Variants in C1S observed in about 807,000 individuals in gnomAD.
The protein encoded by C1S is complement C1s subcomponent.
C1S carries 31 observed loss-of-function variants against 54.0 expected under a neutral mutation model. The ratio of observed to expected loss-of-function variants is 0.57; its 90% CI spans 0.43 to 0.78. The LOEUF is 0.78. Ranked by LOEUF, C1S falls within the 30% of genes least tolerant of loss-of-function variation. The pLI is 0.00. For synonymous variants in C1S, 292 were observed against 303.6 expected (o/e 0.96, Z 0.40); for missense variants, 727 against 851.8 (o/e 0.85, Z 1.82).
intron 7 of C1S, 154 bp downstream of exon 7, chr12:7,066,124 G>A: frequency 6.8e-6 from 5 of 738,170 alleles, no homozygotes; most frequent in South Asian, 5.9e-5. Flanking sequence ...AGCCCAGGAA[G>A]TAGGAGTTTG....
At chr12:7,063,285 T>A (rs1440246926) in intron 4 of C1S, 1 of 582,574 alleles carries the variant, frequency 1.7e-6, no homozygotes, top group Non-Finnish European at 3.1e-6. Context: ...TAGTACATAA[T>A]AAACAGCAAT....
chr12:7,070,712 TATG>T lies in C1S; in HGVS notation c.*64_*66del, dbSNP rs1937833885. On this transcript the variant is annotated 3_prime_UTR_variant, in exon 12 of 12. Transcript: ENST00000360817. The surrounding 1 kb of genome is among the most constrained non-coding windows in gnomAD (Gnocchi z 4.9). ...GACCAATGCATTACCTTCTGTTCCT[TATG>T]ATATTCTCATTATTTCATCATGACT... 2 of 1,271,506 alleles carry T rather than the reference TATG, an allele frequency of 1.6e-6. No homozygotes were observed. The highest frequency in any genetic ancestry group is 4.6e-5 in the East Asian group (2 of 43,352). The allele number at this position is 1,271,506 out of a possible 1,614,324, so 78.8% of individuals were successfully genotyped here.
chr12:7,067,916 T>C (rs1937719844), intron 10 of C1S, 145 bp downstream of exon 10: 2 of 898,946 alleles, frequency 2.2e-6, no homozygotes, highest in African/African-American at 1.7e-5. Flanking sequence ...CGTCCAAAGA[T>C]ACAGTTTTCA....
chr12:7,068,394 G>C (rs1012530785), intron 10 of C1S, 62 bp from the exon 11 acceptor site: 46 of 1,215,272 alleles, frequency 3.8e-5, no homozygotes, highest in African/African-American at 1.6e-4. Context: ...GGGGTCGGAG[G>C]GGGGAATGGA....
intron 4 of C1S, chr12:7,064,010 G>A (rs1348118662): frequency 2.4e-5 from 13 of 532,632 alleles, no homozygotes; most frequent in Non-Finnish European, 3.9e-5. Flanking sequence ...CTCCAGCCTC[G>A]GTGACAGAGT....
In C1S at chr12:7,065,276, G is replaced by C. The variant is rs782586449; in HGVS notation, c.694G>C (p.Gly232Arg). The change falls in exon 6 of 12, where the codon GGA becomes CGA. Residue 232 changes from glycine to arginine, a missense_variant. Gly to Arg is a moderately radical substitution (Grantham distance 125). Transcript: ENST00000360817. ...DFDVEAADSA[G>R]NCLDSLVFVA... is the part of the protein sequence containing the mutation. Reference sequence around the variant, plus strand: ...TGATGTGGAAGCAGCTGACTCAGCGGGAAACTGCCTTGACAGTTTAGTTGT... The same window carrying C: ...TGATGTGGAAGCAGCTGACTCAGCGCGAAACTGCCTTGACAGTTTAGTTGT... 36 of 1,613,764 alleles carry C rather than the reference G, an allele frequency of 2.2e-5. No individual in the cohort carries two copies. The highest frequency in any genetic ancestry group is 2.5e-5 in the Non-Finnish European group (29 of 1,179,754).
At chr12:7,067,885 C>G in intron 10 of C1S, 114 bp downstream of exon 10, 1 of 1,119,112 alleles carries the variant, frequency 8.9e-7, no homozygotes, top group Non-Finnish European at 1.3e-6. Context: ...ATAGGACAGA[C>G]ATTGTTCATC....
At chr12:7,066,142 T>A in intron 7 of C1S, 172 bp downstream of exon 7, 1 of 685,532 alleles carries the variant, frequency 1.5e-6, no homozygotes, top group African/African-American at 1.8e-5. Context: ...TTGAGTCCAC[T>A]CTGGGCAACA....
Position 7,070,940 on chromosome 12 carries a change from T to A in C1S, c.*289T>A, listed in dbSNP as rs1937841549. On this transcript the variant is annotated 3_prime_UTR_variant, in exon 12 of 12. Transcript: ENST00000360817. The surrounding 1 kb of genome is among the most constrained non-coding windows in gnomAD (Gnocchi z 4.9). The stretch of plus-strand genomic sequence containing the variant: ...CACTATTCCACAGGGATACCTTAAT[T>A]CTTTGTTTCCTCTTTACCTGTTCAA... 1.5e-4 allele frequency: 63 copies of A among 427,864 alleles called. No homozygotes were observed. In the South Asian group the frequency reaches 1.5e-3, roughly 10 times the overall value. The allele number at this position is 427,864 out of a possible 1,614,324, so 26.5% of individuals were successfully genotyped here. A position where few individuals can be genotyped will look rare whatever the true frequency, so the allele number is the denominator to read the frequency against.
At chr12:7,065,071 G>A (rs954505039) in intron 5 of C1S, 29 bp from the exon 6 acceptor site, 9 of 1,568,482 alleles carry the variant, frequency 5.7e-6, no homozygotes, top group Middle Eastern at 1.7e-4. Context: ...CCCTGTATTT[G>A]ATTCTCCCTT....
In C1S at chr12:7,065,113, G is replaced by A; in HGVS notation, c.531G>A (p.Gly177=). ...DMKNCGVNCS[G]DVFTALIGEI... is the part of the protein sequence containing the mutation. ...TTTCTCTGTTAGTTAATTGCAGTGG[G>A]GATGTATTCACTGCACTGATTGGGG... The change falls in exon 6 of 12, where the codon GGG becomes GGA. Residue 177 remains glycine (G), a synonymous_variant. Coordinates refer to ENST00000360817, the MANE Select transcript of C1S (RefSeq NM_001734.5). 2.5e-6 allele frequency: 4 copies of A among 1,612,466 alleles called. No individual in the cohort carries two copies. The highest frequency in any genetic ancestry group is 3.4e-6 in the Non-Finnish European group (4 of 1,178,600).
In C1S at chr12:7,067,170, A is replaced by G. The variant is rs1555162410; in HGVS notation, c.1066+53A>G. 2.5e-6 allele frequency: 3 copies of G among 1,217,932 alleles called. No homozygotes were observed. In the African/African-American group the frequency reaches 4.5e-5, roughly 18 times the overall value. 75.4% of individuals were successfully genotyped at this position (1,217,932 alleles called of 1,614,324 possible). ...TTCTTTTTCTCTCAGAGAGAATGGAAAGATCAGCACATCAAAATTCAAATG... is the reference window on the plus strand; with the variant it reads ...TTCTTTTTCTCTCAGAGAGAATGGAGAGATCAGCACATCAAAATTCAAATG... On this transcript the variant is annotated intron_variant, in intron 9 of 11. Transcript: ENST00000360817.
At chr12:7,068,874 C>A in intron 11 of C1S, 1 of 311,924 alleles carries the variant, frequency 3.2e-6, no homozygotes, top group Non-Finnish European at 6.2e-6. Flanking sequence ...GCTAAATAGC[C>A]TAGTTATTAT....
chr12:7,061,670 G>A (rs1191131188), intron 1 of C1S, 169 bp from the exon 2 acceptor site: 10 of 605,296 alleles, frequency 1.7e-5, no homozygotes, highest in South Asian at 5.5e-5. Flanking sequence ...AAAGTTAGTC[G>A]AAGTTAACTA....
rs782278826 is a variant in C1S, at chr12:7,064,504, C to T, written c.517+112C>T. 192 of 981,056 alleles carry T rather than the reference C, an allele frequency of 2.0e-4. 2 individuals are homozygous for T. The African/African-American group carries it at 3.0e-3, about 16-fold the overall frequency. 60.8% of individuals were successfully genotyped at this position (981,056 alleles called of 1,614,324 possible). On this transcript the variant is annotated intron_variant, in intron 5 of 11. Coordinates refer to ENST00000360817, the MANE Select transcript of C1S (RefSeq NM_001734.5). ...TCGATTAGGCCAAGCCTTCATTTGG[C>T]ACTTCTTTTTTATTTTAGAATTTAT...
At chr12:7,062,388 C>T in intron 2 of C1S, 87 bp from the exon 3 acceptor site, 1 of 965,484 alleles carries the variant, frequency 1.0e-6, no homozygotes, top group Non-Finnish European at 1.7e-6. Flanking sequence ...TCTTCTTCCC[C>T]CTTTCTTCTG....
chr12:7,063,999 A>C, intron 4 of C1S: 2 of 525,214 alleles, frequency 3.8e-6, no homozygotes, highest in East Asian at 4.9e-5. Context: ...CCACCACTGC[A>C]CTCCAGCCTC....
At chr12:7,062,028 G>C in intron 2 of C1S, 111 bp downstream of exon 2, 1 of 1,063,060 alleles carries the variant, frequency 9.4e-7, no homozygotes, top group Non-Finnish European at 1.4e-6. Context: ...CCAGCACTTT[G>C]GGAGGCTGAG....
intron 8 of C1S, 71 bp from the exon 9 acceptor site, chr12:7,066,968 C>A: frequency 5.4e-6 from 6 of 1,109,420 alleles, no homozygotes; most frequent in South Asian, 5.0e-5. Flanking sequence ...GGCCAGAGAT[C>A]AATTCCAGTT....
Sources: allele counts gnomAD v4.1 joint callset, GRCh38; gene constraint gnomAD v4.1.1; non-coding constraint Gnocchi (gnomAD v3.1); transcripts MANE v1.5; gene names NCBI Gene and HGNC (gene_info 2026-07-23, HGNC 2026-07-21).